PCDH15: variants seen among roughly 807,000 people sequenced by gnomAD.
PCDH15 encodes the protein protocadherin related 15.
In PCDH15, 129 loss-of-function variants were observed where a neutral mutation model predicts 178.5. That is an observed-to-expected ratio of 0.72 (90% CI 0.63 to 0.84). PCDH15 has a LOEUF of 0.84. Among genes scored for constraint, PCDH15 ranks in the 40% least tolerant of loss-of-function variants. PCDH15 has a pLI of 0.00. For synonymous variants in PCDH15, 800 were observed against 732.0 expected (o/e 1.09, Z -1.50); for missense variants, 2,230 against 2,099.9 (o/e 1.06, Z -1.21).
intron 3 of PCDH15, among the ~76,000 whole-genome samples, chr10:54,440,700 A>T (rs1930172): frequency 0.49 from 73,877 of 151,774 alleles, 19,001 homozygotes; most frequent in Non-Finnish European, 0.57. Flanking sequence ...TAACTGCTCA[A>T]TATTTTGGTC....
intron 1 of PCDH15, among the ~76,000 whole-genome samples, chr10:54,770,600 T>C (rs934654390): frequency 1.3e-5 from 2 of 152,060 alleles, no homozygotes; most frequent in African/African-American, 4.8e-5. Flanking sequence ...TCCCATCCTT[T>C]TACTAAGAGT....
intron 1 of PCDH15, among the ~76,000 whole-genome samples, chr10:54,668,372 A>T (rs544670040): frequency 1.3e-5 from 2 of 152,328 alleles, no homozygotes; most frequent in East Asian, 3.9e-4. Flanking sequence ...ATTTTCATTC[A>T]GTAAATGAAG....
intron 3 of PCDH15, among the ~76,000 whole-genome samples, chr10:54,809,475 T>C (rs1952829702): frequency 1.3e-5 from 2 of 152,046 alleles, no homozygotes; most frequent in South Asian, 4.1e-4. Context: ...TAGTAAGAAA[T>C]TACAAGTTTG....
Position 53,846,023 on chromosome 10 carries a change from T to TATACACACACAC in PCDH15, c.3807-5528_3807-5527insGTGTGTGTGTAT, listed in dbSNP as rs1554829211. Among the ~76,000 whole-genome samples the TATACACACACAC allele has an allele frequency of 2.7e-5, 4 of 147,144 alleles. No individual in the cohort carries two copies. In the East Asian group the frequency reaches 8.1e-4, roughly 30 times the overall value. On this transcript the variant is annotated intron_variant, in intron 28 of 37. Transcript: ENST00000644397. ...AGGTTATATCAATAGTGTATGTGTA[T>TATACACACACAC]ACACACACACACACACACACACACA...
At chr10:55,353,158 C>T (rs544975356) in intron 2 of PCDH15, among the ~76,000 whole-genome samples, 2 of 152,274 alleles carry the variant, frequency 1.3e-5, no homozygotes, top group South Asian at 2.1e-4. Flanking sequence ...GCAGGGAAAA[C>T]GCTTCCACAA....
chr10:54,750,717 T>C (rs764009459), intron 1 of PCDH15, among the ~76,000 whole-genome samples: 1 of 152,064 alleles, frequency 6.6e-6, no homozygotes, highest in African/African-American at 2.4e-5. Context: ...CAAAGAAAAA[T>C]TGTTTTCTAA....
intron 18 of PCDH15, among the ~76,000 whole-genome samples, chr10:54,054,619 C>T (rs987493669): frequency 4.6e-5 from 7 of 152,032 alleles, no homozygotes; most frequent in Non-Finnish European, 8.8e-5. Flanking sequence ...TAAGCCTAAA[C>T]ATTGCTAAAG....
chr10:54,005,260 T>C (rs981766553), intron 20 of PCDH15, among the ~76,000 whole-genome samples: 2 of 152,136 alleles, frequency 1.3e-5, no homozygotes, highest in East Asian at 1.9e-4. Context: ...GGCAAAGATT[T>C]CTTGAGTAAT....
At chr10:55,449,426 G>C (rs1839385905) in intron 2 of PCDH15, among the ~76,000 whole-genome samples, 1 of 151,970 alleles carries the variant, frequency 6.6e-6, no homozygotes, top group Non-Finnish European at 1.5e-5. Context: ...AAAATACAAA[G>C]AGTACACCTA....
intron 2 of PCDH15, among the ~76,000 whole-genome samples, chr10:54,631,542 C>T (rs79467734): frequency 2.6e-3 from 401 of 152,140 alleles, no homozygotes; most frequent in African/African-American, 9.5e-3. Context: ...CCAGCATTTA[C>T]GTGACTAGGG....
chr10:53,890,536 T>A (rs1279459659), intron 26 of PCDH15, among the ~76,000 whole-genome samples: 1 of 152,236 alleles, frequency 6.6e-6, no homozygotes, highest in East Asian at 1.9e-4. Context: ...CACTGACTTT[T>A]GTCCTTTTCT....
Position 54,986,135 on chromosome 10 carries a change from CA to C in PCDH15, c.-79-88636del, listed in dbSNP as rs371374797. Among the ~76,000 whole-genome samples, 786 of 151,862 alleles carry C rather than the reference CA, an allele frequency of 5.2e-3. 8 individuals are homozygous for C. Among genetic ancestry groups the C allele is most frequent in the African/African-American group, 0.018 (729 of 41,424 alleles). The stretch of plus-strand genomic sequence containing the variant: ...CTGTATTTTTTTTTTAAATGAAGTG[CA>C]ATCTTGGAAATGTGCTTTAGTCTTG... On this transcript the variant is annotated intron_variant, in intron 2 of 5. Coordinates refer to the PCDH15 transcript ENST00000458638.
rs372440971 is a variant in PCDH15, at chr10:53,822,932, C to T, written c.4368-2702G>A. 2.2e-5 allele frequency: 36 copies of T among 1,614,120 alleles called. No individual in the cohort carries two copies. Among genetic ancestry groups the T allele is most frequent in the Non-Finnish European group, 2.9e-5 (34 of 1,180,004 alleles). ...CTTTCTGCCTGGTGCCTTGCCACTG[C>T]TGCAGATCTATGATCTCTGGTCTAT... On this transcript the variant is annotated intron_variant, in intron 32 of 37. Coordinates refer to ENST00000644397, the MANE Select transcript of PCDH15 (RefSeq NM_001384140.1).
chr10:54,719,701 C>T (rs1591265881), intron 1 of PCDH15, among the ~76,000 whole-genome samples: 2 of 151,980 alleles, frequency 1.3e-5, no homozygotes, highest in East Asian at 3.9e-4. Flanking sequence ...CGACTGGCCC[C>T]GGTGTGTTTT....
At chr10:54,739,545 A>G (rs1944519979) in intron 1 of PCDH15, among the ~76,000 whole-genome samples, 1 of 150,952 alleles carries the variant, frequency 6.6e-6, no homozygotes, top group Non-Finnish European at 1.5e-5. Flanking sequence ...CATACCAATG[A>G]CATTCTTCAC....
At chr10:54,887,388 C>T (rs370115140) in intron 3 of PCDH15, among the ~76,000 whole-genome samples, 129 of 152,130 alleles carry the variant, frequency 8.5e-4, no homozygotes, top group African/African-American at 3.0e-3. Flanking sequence ...TTGATATAGA[C>T]ACAATGTTTA....
chr10:54,408,629 TCTGAACCGCATAA>T (rs1327276598), intron 3 of PCDH15, among the ~76,000 whole-genome samples: 5 of 152,208 alleles, frequency 3.3e-5, no homozygotes, highest in African/African-American at 1.2e-4. Context: ...TGCACATGTT[TCTGAACCGCATAA>T]CTGAGAAGCT....
intron 2 of PCDH15, among the ~76,000 whole-genome samples, chr10:54,945,553 G>C (rs964184888): frequency 6.6e-6 from 1 of 151,446 alleles, no homozygotes; most frequent in Non-Finnish European, 1.5e-5. Flanking sequence ...ACTATTTGAA[G>C]AGCATATAAA....
chr10:54,221,843 T>C (rs2052855358), intron 9 of PCDH15, among the ~76,000 whole-genome samples: 1 of 152,152 alleles, frequency 6.6e-6, no homozygotes, highest in Non-Finnish European at 1.5e-5. Flanking sequence ...CCTCAGGTGA[T>C]CCACTGGCCT....
Sources: allele counts gnomAD v4.1 joint callset (sites outside exome capture counted in the v4.1 genomes callset), GRCh38; gene constraint gnomAD v4.1.1; transcripts MANE v1.5; gene names NCBI Gene and HGNC (gene_info 2026-07-23, HGNC 2026-07-21).